The following NAV3 variants were observed in gnomAD, a reference collection of about 807,000 sequenced individuals.
NAV3 encodes pore membrane and/or filament interacting like protein 1.
NAV3 carries 87 observed loss-of-function variants against 244.7 expected under a neutral mutation model. The ratio of observed to expected loss-of-function variants is 0.36; its 90% CI spans 0.30 to 0.42. NAV3 has a LOEUF of 0.42. NAV3 is among the 20% of genes least tolerant of loss of function. The pLI is 1.00. For synonymous variants in NAV3, 1,126 were observed against 1,042.2 expected (o/e 1.08, Z -1.55); for missense variants, 2,663 against 2,893.3 (o/e 0.92, Z 1.83).
intron 2 of NAV3, among the ~76,000 whole-genome samples, chr12:77,591,581 T>C (rs1445096734): frequency 2.6e-5 from 4 of 152,232 alleles, no homozygotes; most frequent in Non-Finnish European, 5.9e-5. Context: ...TTGAGGAACC[T>C]GGAAACATTA....
chr12:77,820,040 A>G (rs887777040), intron 2 of NAV3, among the ~76,000 whole-genome samples: 4 of 152,124 alleles, frequency 2.6e-5, no homozygotes, highest in African/African-American at 9.7e-5. Flanking sequence ...TGATTGGCTA[A>G]AGAAAATGGA....
At position 78,119,680 on chromosome 12, in the gene NAV3, A is replaced by G. The variant is rs1485965147; in HGVS notation, c.3484A>G (p.Ile1162Val). Residue 1162 changes from isoleucine to valine, a missense_variant, in exon 15 of 40, where the codon ATT becomes GTT. Physicochemically the swap from Ile to Val is conservative, Grantham distance 29. Around this residue, in one of 6 missense-constraint regions of NAV3, gnomAD observed 1,521 missense variants for 1,497.0 expected, o/e 1.02. Coordinates refer to ENST00000397909, the MANE Select transcript of NAV3 (RefSeq NM_001024383.2). ...AGGCCACAGATCCAGTACCAGCAGT[A>G]TTGATTCCAACGTCAGCAGCAAGTC... ...RGGHRSSTSS[I>V]DSNVSSKSAG... The G allele has an allele frequency of 6.2e-7, 1 of 1,614,224 alleles. No individual in the cohort carries two copies. The highest frequency in any genetic ancestry group is 8.5e-7 in the Non-Finnish European group (1 of 1,180,042).
chr12:77,575,561 G>C (rs1238646884), intron 2 of NAV3, among the ~76,000 whole-genome samples: 1 of 152,106 alleles, frequency 6.6e-6, no homozygotes. Context: ...ATCCAGTGAG[G>C]TTTGCATATT....
At chr12:77,622,534 A>ATT (rs529338324) in intron 2 of NAV3, among the ~76,000 whole-genome samples, 3,558 of 90,666 alleles carry the variant, frequency 0.039, 213 homozygotes, top group Non-Finnish European at 0.044. Context: ...ATCCATATGG[A>ATT]TTTTTTTTTT....
chr12:77,951,684 G>C (rs1173561357), intron 3 of NAV3, among the ~76,000 whole-genome samples: 2 of 152,060 alleles, frequency 1.3e-5, no homozygotes, highest in Non-Finnish European at 2.9e-5. Flanking sequence ...GTCCATCAAT[G>C]ATAGACTGGA....
At chr12:77,686,947 C>T (rs950166692) in intron 2 of NAV3, among the ~76,000 whole-genome samples, 2 of 152,094 alleles carry the variant, frequency 1.3e-5, no homozygotes, top group African/African-American at 4.8e-5. Context: ...GTGTGCATGT[C>T]CATGACTCAA....
Position 77,998,470 on chromosome 12 carries a change from G to A in NAV3, c.874G>A (p.Glu292Lys), listed in dbSNP as rs1440244361. Residue 292 changes from glutamate (E) to lysine (K), a missense_variant, in exon 7 of 40, where the codon GAA becomes AAA. Physicochemically the swap from Glu to Lys is moderately conservative, Grantham distance 56. This residue lies in a region of NAV3 where 1,521 missense variants were observed against 1,497.0 expected (regional missense o/e 1.02). Coordinates refer to ENST00000397909, the MANE Select transcript of NAV3 (RefSeq NM_001024383.2). ...GCCTCCAAATTATGCAAATGGAAAC[G>A]AAAAAGGTAAGTGTTTGTTACATCA... ...NKPPNYANGN[E>K]KDSSKGPQSS... The A allele has an allele frequency of 4.4e-6, 7 of 1,598,886 alleles. No homozygotes were observed. Among genetic ancestry groups the A allele is most frequent in the Admixed American group, 3.6e-5 (2 of 56,180 alleles).
intron 2 of NAV3, among the ~76,000 whole-genome samples, chr12:77,712,357 G>A (rs775035367): frequency 2.0e-5 from 3 of 152,048 alleles, no homozygotes; most frequent in Non-Finnish European, 4.4e-5. Flanking sequence ...CTCCTTGTGA[G>A]AATATACACT....
chr12:78,109,207 A>G (rs1954960903), intron 12 of NAV3, among the ~76,000 whole-genome samples: 1 of 152,076 alleles, frequency 6.6e-6, no homozygotes, highest in African/African-American at 2.4e-5. Context: ...ATAGAGAAAT[A>G]GATAAATTCC....
chr12:78,078,765 T>C lies in NAV3; in HGVS notation c.2636+19650T>C, dbSNP rs1271140943. Among the ~76,000 whole-genome samples, 3 of 152,140 alleles carry C rather than the reference T, an allele frequency of 2.0e-5. No individual in the cohort carries two copies. The East Asian group carries it at 5.8e-4, about 29-fold the overall frequency. On this transcript the variant is annotated intron_variant, in intron 12 of 39. Coordinates refer to ENST00000397909, the MANE Select transcript of NAV3 (RefSeq NM_001024383.2). ...ACCTCACAGCACAATAATAGACAACTAGAACTGCATTGAGACAATTCTCCA... is the reference window on the plus strand; with the variant it reads ...ACCTCACAGCACAATAATAGACAACCAGAACTGCATTGAGACAATTCTCCA...
chr12:77,602,039 G>A (rs946635077), intron 2 of NAV3, among the ~76,000 whole-genome samples: 1 of 151,980 alleles, frequency 6.6e-6, no homozygotes, highest in Non-Finnish European at 1.5e-5. Context: ...TTCTCTGTCA[G>A]CCAAACACTG....
At chr12:77,691,388 A>G (rs1442466801) in intron 2 of NAV3, among the ~76,000 whole-genome samples, 2 of 118,884 alleles carry the variant, frequency 1.7e-5, no homozygotes, top group Non-Finnish European at 3.4e-5. Flanking sequence ...CTGCTCAAAC[A>G]TAAATTTTAT....
chr12:77,651,477 T>TTAA (rs1872820724), intron 2 of NAV3, among the ~76,000 whole-genome samples: 1 of 152,178 alleles, frequency 6.6e-6, no homozygotes, highest in Non-Finnish European at 1.5e-5. Context: ...AATAGATCAT[T>TTAA]TAATAGCCAC....
At chr12:78,029,457 A>G (rs775414212) in intron 9 of NAV3, among the ~76,000 whole-genome samples, 8 of 152,196 alleles carry the variant, frequency 5.3e-5, no homozygotes, top group Non-Finnish European at 1.0e-4. Flanking sequence ...AGAACAATAA[A>G]TTATGCCAGT....
intron 2 of NAV3, among the ~76,000 whole-genome samples, chr12:77,748,373 C>T (rs1156777821): frequency 6.6e-6 from 1 of 152,008 alleles, no homozygotes; most frequent in Non-Finnish European, 1.5e-5. Context: ...TTCTATATGA[C>T]AAAAATAAAT....
intron 1 of NAV3, among the ~76,000 whole-genome samples, chr12:77,914,212 A>G (rs1382367599): frequency 6.6e-6 from 1 of 152,116 alleles, no homozygotes; most frequent in East Asian, 1.9e-4. Flanking sequence ...TCTCTTTTGC[A>G]GACTAATACT....
chr12:77,593,332 T>C (rs1767059614), intron 2 of NAV3, among the ~76,000 whole-genome samples: 1 of 152,004 alleles, frequency 6.6e-6, no homozygotes. Flanking sequence ...AGTATAAAGC[T>C]GATTACAACT....
At chr12:77,759,363 T>G (rs1869351189) in intron 2 of NAV3, among the ~76,000 whole-genome samples, 1 of 152,242 alleles carries the variant, frequency 6.6e-6, no homozygotes, top group African/African-American at 2.4e-5. Context: ...AAAGCTTGCC[T>G]AAATTCACAT....
intron 2 of NAV3, among the ~76,000 whole-genome samples, chr12:77,767,070 GA>G (rs1565805334): frequency 6.6e-6 from 1 of 151,936 alleles, no homozygotes. Flanking sequence ...TTTTACAAGG[GA>G]AAAATGACTA....
Sources: gnomAD v4.1 joint callset for allele counts (sites outside exome capture counted in the v4.1 genomes callset) on GRCh38, gnomAD v4.1.1 for gene constraint, gnomAD v4.1.1 regional missense constraint, MANE v1.5 for transcripts, NCBI Gene and HGNC (gene_info 2026-07-23, HGNC 2026-07-21) for gene names.